BMP7: variants seen among roughly 807,000 people sequenced by gnomAD.
BMP7 encodes the protein osteogenic protein 1.
Under a neutral mutation model 41.2 loss-of-function variants are expected in BMP7, and 12 were observed. The observed-to-expected ratio is 0.29, with a 90% CI of 0.19 to 0.47. The LOEUF (loss-of-function observed/expected upper bound fraction) is 0.47. Ranked by LOEUF, BMP7 falls within the 20% of genes least tolerant of loss-of-function variation. BMP7 has a pLI of 0.99. For synonymous variants in BMP7, 248 were observed against 250.0 expected, an observed-to-expected ratio of 0.99 and a Z score of 0.07; for missense variants, 467 against 606.0, an observed-to-expected ratio of 0.77 and a Z score of 2.41.
At chr20:57,217,878 G>A (rs1435080780) in intron 2 of BMP7, among the ~76,000 whole-genome samples, 3 of 152,246 alleles carry the variant, frequency 2.0e-5, no homozygotes. Flanking sequence ...GAAACCAGGC[G>A]TGTCTGCGCA....
chr20:57,189,818 CA>C (rs1213284518), intron 3 of BMP7, among the ~76,000 whole-genome samples: 2 of 152,206 alleles, frequency 1.3e-5, no homozygotes, highest in Non-Finnish European at 2.9e-5. Flanking sequence ...GGGGCTGGGG[CA>C]CATCGGTGAA....
intron 2 of BMP7, among the ~76,000 whole-genome samples, chr20:57,225,164 C>T (rs1254374687): frequency 6.6e-6 from 1 of 152,036 alleles, no homozygotes; most frequent in Non-Finnish European, 1.5e-5. Flanking sequence ...CTGTGCGGGC[C>T]CAGGTTGGGG....
rs1401823885 is a variant in BMP7 at position 57,223,963 on chromosome 20, C to T, written c.611+4266G>A. Among the ~76,000 whole-genome samples the T allele has an allele frequency of 2.0e-5, 3 of 152,210 alleles. No homozygotes were observed. The East Asian group carries it at 5.8e-4, about 29-fold the overall frequency. On this transcript the variant is annotated intron_variant, in intron 2 of 6. Transcript: ENST00000395863. ...GGGCCGCCCTGTGAGGGGGCTGCATCGTTCCTCCTACCACATCCAGCCCCA... is the reference window on the plus strand; with the variant it reads ...GGGCCGCCCTGTGAGGGGGCTGCATTGTTCCTCCTACCACATCCAGCCCCA...
chr20:57,227,378 C>A (rs760601452), intron 2 of BMP7, among the ~76,000 whole-genome samples: 8 of 151,890 alleles, frequency 5.3e-5, no homozygotes, highest in Non-Finnish European at 1.0e-4. Context: ...ACTTAGATGA[C>A]CATCCCCACC....
chr20:57,232,488 A>G (rs1190402404), intron 1 of BMP7, among the ~76,000 whole-genome samples: 1 of 152,260 alleles, frequency 6.6e-6, no homozygotes, highest in Non-Finnish European at 1.5e-5. Context: ...AGGTACAATC[A>G]TTAGAGTCAT....
At chr20:57,197,482 C>T (rs1324774564) in intron 3 of BMP7, among the ~76,000 whole-genome samples, 1 of 152,048 alleles carries the variant, frequency 6.6e-6, no homozygotes, top group Non-Finnish European at 1.5e-5. Flanking sequence ...TGAACACATT[C>T]CTTGGAAGAT....
At chr20:57,220,064 G>A (rs917227173) in intron 2 of BMP7, among the ~76,000 whole-genome samples, 6 of 152,212 alleles carry the variant, frequency 3.9e-5, no homozygotes, top group Non-Finnish European at 5.9e-5. Context: ...GGTGGCATGC[G>A]TGCTGGAATG....
At chr20:57,184,838 G>A (rs1984174579) in intron 3 of BMP7, among the ~76,000 whole-genome samples, 1 of 152,210 alleles carries the variant, frequency 6.6e-6, no homozygotes, top group Admixed American at 6.5e-5. Flanking sequence ...AAGAGGCAAG[G>A]AGGGATTCCT....
chr20:57,254,938 A>T (rs2066128473), intron 1 of BMP7, among the ~76,000 whole-genome samples: 1 of 152,160 alleles, frequency 6.6e-6, no homozygotes, highest in Non-Finnish European at 1.5e-5. Context: ...GGGTACATGT[A>T]GGTGCCCCCC....
At chr20:57,249,742 C>T (rs2066104790) in intron 1 of BMP7, among the ~76,000 whole-genome samples, 1 of 152,196 alleles carries the variant, frequency 6.6e-6, no homozygotes, top group Non-Finnish European at 1.5e-5. Context: ...TCATGTTCTC[C>T]ATTGATATTG....
At chr20:57,243,425 G>C (rs1228907560) in intron 1 of BMP7, among the ~76,000 whole-genome samples, 1 of 152,156 alleles carries the variant, frequency 6.6e-6, no homozygotes. Context: ...GTTGCAGTGA[G>C]CTGAGATCGT....
At chr20:57,204,290 G>A (rs1383663294) in intron 2 of BMP7, among the ~76,000 whole-genome samples, 1 of 152,156 alleles carries the variant, frequency 6.6e-6, no homozygotes, top group Non-Finnish European at 1.5e-5. Context: ...TACTAACACT[G>A]CAGACAGCCA....
intron 4 of BMP7, among the ~76,000 whole-genome samples, chr20:57,176,749 TTCACACACAC>T (rs1983930833): frequency 3.6e-5 from 1 of 28,132 alleles, no homozygotes; most frequent in Non-Finnish European, 8.4e-5. Context: ...ACATTCTCCA[TTCACACACAC>T]ACACACACAC....
Position 57,265,889 on chromosome 20 carries a change from C to T in BMP7, c.234G>A (p.Ser78=), listed in dbSNP as rs371542500. The change falls in exon 1 of 7, where the codon TCG becomes TCA. Residue 78 remains serine (S), a synonymous_variant. Transcript: ENST00000395863. ...ACAGGTCCAGCATGAACATGGGTGC[C>T]GAGTTGTGCTTGCCCTGGAGGTGCG... ...PRPHLQGKHN[S]APMFMLDLYN... is the part of the protein sequence containing the mutation. 5.0e-6 allele frequency: 8 copies of T among 1,599,716 alleles called. No individual in the cohort carries two copies. The highest frequency in any genetic ancestry group is 6.8e-6 in the Non-Finnish European group (8 of 1,173,368).
chr20:57,191,310 C>T lies in BMP7; in HGVS notation c.761-7391G>A, dbSNP rs80179168. ...TGGGGTGCTCCAGAGGCAAGACAGG[C>T]GCAGGCTCTGGTGGGGCCAACAGAA... is the stretch of plus-strand genomic sequence containing the variant. On this transcript the variant is annotated intron_variant, in intron 3 of 6. Transcript: ENST00000395863. Among the ~76,000 whole-genome samples, 394 of 152,132 alleles carry T rather than the reference C, an allele frequency of 2.6e-3. 2 individuals carry two copies. Among genetic ancestry groups the T allele is most frequent in the African/African-American group, 9.0e-3 (372 of 41,422 alleles).
intron 4 of BMP7, among the ~76,000 whole-genome samples, chr20:57,176,813 G>C (rs116014901): frequency 8.1e-4 from 120 of 148,532 alleles, no homozygotes; most frequent in African/African-American, 2.8e-3. Flanking sequence ...TTGAATGCAT[G>C]GCTCTTTCCT....
At chr20:57,186,708 G>T in intron 3 of BMP7, among the ~76,000 whole-genome samples, 1 of 152,122 alleles carries the variant, frequency 6.6e-6, no homozygotes, top group Non-Finnish European at 1.5e-5. Context: ...TTCACATCTG[G>T]AATTAACTTC....
intron 3 of BMP7, among the ~76,000 whole-genome samples, chr20:57,187,972 A>C (rs893135246): frequency 5.3e-5 from 8 of 152,226 alleles, no homozygotes; most frequent in Non-Finnish European, 1.2e-4. Context: ...AGGCTGAACA[A>C]CACCACAGCA....
At position 57,203,495 on chromosome 20, in the gene BMP7, G is replaced by A. The variant is rs550011592; in HGVS notation, c.612-872C>T. Among the ~76,000 whole-genome samples, 374 of 152,090 alleles carry A rather than the reference G, an allele frequency of 2.5e-3. 2 individuals are homozygous for A. Among genetic ancestry groups the A allele is most frequent in the Non-Finnish European group, 4.3e-3 (290 of 67,964 alleles). ...TGGGTGGGTGGATGGATGGATGGAT[G>A]GATGGATGAGTAGATGGGTGGGCGG... is the stretch of plus-strand genomic sequence containing the variant. On this transcript the variant is annotated intron_variant, in intron 2 of 6. Coordinates refer to ENST00000395863, the MANE Select transcript of BMP7 (RefSeq NM_001719.3).
Sources: allele counts gnomAD v4.1 joint callset (sites outside exome capture counted in the v4.1 genomes callset), GRCh38; gene constraint gnomAD v4.1.1; transcripts MANE v1.5; gene names NCBI Gene and HGNC (gene_info 2026-07-23, HGNC 2026-07-21).